The following SDK1 variants were observed in gnomAD, a reference collection of about 807,000 sequenced individuals.
The protein encoded by SDK1 is sidekick cell adhesion molecule 1.
Under a neutral mutation model 245.5 loss-of-function variants are expected in SDK1, and 157 were observed. The ratio of observed to expected loss-of-function variants is 0.64; its 90% CI spans 0.56 to 0.73. SDK1 has a LOEUF of 0.73. SDK1 is among the 30% of genes least tolerant of loss of function. The pLI is 0.00. For missense variants in SDK1, 3,583 were observed against 3,002.3 expected (o/e 1.19, Z -4.52); for synonymous variants, 1,647 against 1,278.5 (o/e 1.29, Z -6.15).
At chr7:3,763,014 T>C (rs1360962224) in intron 4 of SDK1, among the ~76,000 whole-genome samples, 1 of 152,146 alleles carries the variant, frequency 6.6e-6, no homozygotes, top group Non-Finnish European at 1.5e-5. Context: ...GAATTCAAGA[T>C]AGGAGAGTAA....
chr7:3,647,070 C>G (rs1300607513), intron 4 of SDK1, among the ~76,000 whole-genome samples: 1 of 152,152 alleles, frequency 6.6e-6, no homozygotes. Context: ...ATGCCACTAA[C>G]TATACTTAAA....
chr7:3,812,784 A>AGCCT (rs1250379902), intron 4 of SDK1, among the ~76,000 whole-genome samples: 3 of 152,172 alleles, frequency 2.0e-5, no homozygotes, highest in African/African-American at 7.2e-5. Flanking sequence ...CCTCTGAGCA[A>AGCCT]GCCTGCCTGC....
chr7:3,953,642 T>C (rs551802402), intron 7 of SDK1, among the ~76,000 whole-genome samples: 14 of 152,316 alleles, frequency 9.2e-5, no homozygotes, highest in African/African-American at 3.4e-4. Context: ...AGAGAAGAAA[T>C]TTATCTCCCT....
At chr7:3,805,185 T>C (rs938964627) in intron 4 of SDK1, among the ~76,000 whole-genome samples, 11 of 152,242 alleles carry the variant, frequency 7.2e-5, no homozygotes, top group Non-Finnish European at 1.3e-4. Context: ...TTTATGCTAC[T>C]AAAAAATACA....
chr7:3,593,160 C>G (rs1355494903), intron 1 of SDK1, among the ~76,000 whole-genome samples: 1 of 152,206 alleles, frequency 6.6e-6, no homozygotes, highest in Admixed American at 6.5e-5. Flanking sequence ...GAGTCTTACT[C>G]ATCATCAAGT....
chr7:3,557,443 C>G (rs551678512), intron 1 of SDK1, among the ~76,000 whole-genome samples: 2 of 152,236 alleles, frequency 1.3e-5, no homozygotes, highest in South Asian at 4.2e-4. Context: ...AGGGTAGTGG[C>G]TATGGTCACA....
At chr7:3,492,961 T>C (rs538211730) in intron 1 of SDK1, among the ~76,000 whole-genome samples, 1 of 152,180 alleles carries the variant, frequency 6.6e-6, no homozygotes. Flanking sequence ...TTTATTTTTC[T>C]ATTTTTTGAG....
intron 1 of SDK1, among the ~76,000 whole-genome samples, chr7:3,595,952 A>G (rs200585153): frequency 2.1e-4 from 21 of 100,384 alleles, no homozygotes; most frequent in African/African-American, 1.1e-3. Context: ...TCTAATGGGT[A>G]TTTTTTTTTT....
intron 5 of SDK1, among the ~76,000 whole-genome samples, chr7:3,838,669 A>G (rs1015220551): frequency 2.0e-5 from 3 of 152,206 alleles, no homozygotes; most frequent in South Asian, 4.1e-4. Flanking sequence ...GTCCCTGAAC[A>G]CAGCGATCTG....
intron 1 of SDK1, among the ~76,000 whole-genome samples, chr7:3,432,124 A>AAAT (rs1554270424): frequency 5.9e-4 from 87 of 146,866 alleles, no homozygotes; most frequent in African/African-American, 1.9e-3. Flanking sequence ...AAAAAAAAAA[A>AAAT]ATATATATAT....
chr7:4,163,919 A>C (rs1781332190), intron 32 of SDK1, among the ~76,000 whole-genome samples: 1 of 152,214 alleles, frequency 6.6e-6, no homozygotes, highest in African/African-American at 2.4e-5. Flanking sequence ...ACTGCCACTT[A>C]TCTGAGGGAT....
chr7:3,525,442 G>T lies in SDK1; in HGVS notation c.299-93638G>T, dbSNP rs182905616. 5.9e-5 allele frequency among the ~76,000 whole-genome samples: 9 copies of T among 152,222 alleles called. No homozygotes were observed. The East Asian group carries it at 1.7e-3, about 29-fold the overall frequency. On this transcript the variant is annotated intron_variant, in intron 1 of 44. Coordinates refer to ENST00000404826, the MANE Select transcript of SDK1 (RefSeq NM_152744.4). The stretch of plus-strand genomic sequence containing the variant: ...TTTTCTTGTGTCTGGGAGGTTGATG[G>T]CATAGTACATTTACTCCCCAAGTAG...
At chr7:4,178,329 G>A (rs547427596) in intron 34 of SDK1, among the ~76,000 whole-genome samples, 156 bp from the exon 35 acceptor site, 7 of 152,096 alleles carry the variant, frequency 4.6e-5, no homozygotes, top group African/African-American at 1.2e-4. Flanking sequence ...AGGGTGCCCC[G>A]GTCACAGTGG....
chr7:3,791,530 G>A (rs780275987), intron 4 of SDK1, among the ~76,000 whole-genome samples: 2 of 152,110 alleles, frequency 1.3e-5, no homozygotes, highest in South Asian at 2.1e-4. Flanking sequence ...CATCCTGAGG[G>A]ATGCGGCTGC....
At chr7:3,553,853 C>G (rs1007758839) in intron 1 of SDK1, among the ~76,000 whole-genome samples, 1 of 152,178 alleles carries the variant, frequency 6.6e-6, no homozygotes, top group South Asian at 2.1e-4. Context: ...CTGAGGGACA[C>G]TGGGCATTAG....
rs768886784 is a variant in SDK1, at chr7:3,483,234, G to A, written c.299-135846G>A. On this transcript the variant is annotated intron_variant, in intron 1 of 44. Coordinates refer to ENST00000404826, the MANE Select transcript of SDK1 (RefSeq NM_152744.4). ...TATTGAGTCCTAGCATTTCTGAATA[G>A]AGTATATCTTTTAGTTTATTCAGGC... Among the ~76,000 whole-genome samples, 6 of 152,292 alleles carry A rather than the reference G, an allele frequency of 3.9e-5. No homozygotes were observed. The East Asian group carries it at 1.2e-3, about 29-fold the overall frequency.
chr7:3,908,451 G>T (rs1472963882), intron 5 of SDK1, among the ~76,000 whole-genome samples: 1 of 152,168 alleles, frequency 6.6e-6, no homozygotes, highest in Non-Finnish European at 1.5e-5. Context: ...CTCACCCGCA[G>T]TCCACTCAGC....
chr7:3,876,576 G>C (rs1440359548), intron 5 of SDK1, among the ~76,000 whole-genome samples: 2 of 152,154 alleles, frequency 1.3e-5, no homozygotes, highest in Non-Finnish European at 2.9e-5. Flanking sequence ...AACAGGCATT[G>C]AGAACTCATA....
intron 1 of SDK1, among the ~76,000 whole-genome samples, chr7:3,565,923 G>C (rs929769474): frequency 2.6e-5 from 4 of 152,114 alleles, no homozygotes; most frequent in Non-Finnish European, 5.9e-5. Flanking sequence ...AGGATGAACT[G>C]TACATATGAT....
Sources: gnomAD v4.1 joint callset for allele counts (sites outside exome capture counted in the v4.1 genomes callset) on GRCh38, gnomAD v4.1.1 for gene constraint, MANE v1.5 for transcripts, NCBI Gene and HGNC (gene_info 2026-07-23, HGNC 2026-07-21) for gene names.